Variants in ASIC2 observed in about 807,000 individuals in gnomAD.
ASIC2 encodes acid sensing ion channel subunit 2.
Under a neutral mutation model 57.3 loss-of-function variants are expected in ASIC2, and 25 were observed. The ratio of observed to expected loss-of-function variants is 0.44; its 90% CI spans 0.32 to 0.61. The LOEUF is 0.61. Among genes scored for constraint, ASIC2 ranks in the 20% least tolerant of loss-of-function variants. The pLI, the probability that ASIC2 is intolerant of heterozygous loss-of-function variation, is 0.06. For missense variants in ASIC2, 641 were observed against 738.1 expected (o/e 0.87, Z 1.52); for synonymous variants, 319 against 307.5 (o/e 1.04, Z -0.39).
chr17:33,323,788 TA>T (rs1199052678), intron 1 of ASIC2, among the ~76,000 whole-genome samples: 16 of 152,356 alleles, frequency 1.1e-4, no homozygotes, highest in Admixed American at 5.9e-4. Context: ...CATCTTTATA[TA>T]AGGTACAAAA....
chr17:34,133,566 T>C (rs1912053285), intron 1 of ASIC2, among the ~76,000 whole-genome samples: 1 of 152,228 alleles, frequency 6.6e-6, no homozygotes. Context: ...GTACCAGTGA[T>C]GCCAATGAGC....
intron 1 of ASIC2, among the ~76,000 whole-genome samples, chr17:33,222,012 A>G (rs535971346): frequency 6.6e-6 from 1 of 152,178 alleles, no homozygotes; most frequent in South Asian, 2.1e-4. Context: ...CTATCCTGGA[A>G]ACTTAACTAT....
intron 1 of ASIC2, among the ~76,000 whole-genome samples, chr17:33,121,026 G>A (rs2092300404): frequency 6.6e-6 from 1 of 152,228 alleles, no homozygotes; most frequent in Non-Finnish European, 1.5e-5. Flanking sequence ...ATACCTTCCA[G>A]TGGAGCTGTT....
At chr17:33,787,993 AG>A (rs1267861791) in intron 1 of ASIC2, among the ~76,000 whole-genome samples, 1 of 152,228 alleles carries the variant, frequency 6.6e-6, no homozygotes, top group Non-Finnish European at 1.5e-5. Context: ...TTCAGGACAT[AG>A]GCATGGGCAA....
chr17:33,695,616 T>C (rs1415646076), intron 1 of ASIC2, among the ~76,000 whole-genome samples: 1 of 152,238 alleles, frequency 6.6e-6, no homozygotes, highest in African/African-American at 2.4e-5. Flanking sequence ...AGAGTGCTGC[T>C]TTCACTGGAC....
At chr17:33,734,205 C>T (rs1189180754) in intron 1 of ASIC2, among the ~76,000 whole-genome samples, 3 of 151,874 alleles carry the variant, frequency 2.0e-5, no homozygotes, top group Non-Finnish European at 2.9e-5. Flanking sequence ...GTGAGGCCAG[C>T]CCTTCCTCCC....
chr17:33,927,208 C>A (rs184587330), intron 1 of ASIC2, among the ~76,000 whole-genome samples: 1 of 152,290 alleles, frequency 6.6e-6, no homozygotes, highest in Admixed American at 6.5e-5. Context: ...TGATTACAGG[C>A]ATGACCCACT....
At chr17:33,441,554 T>C (rs1299385802) in intron 1 of ASIC2, among the ~76,000 whole-genome samples, 1 of 152,164 alleles carries the variant, frequency 6.6e-6, no homozygotes, top group Admixed American at 6.5e-5. Context: ...CCCCAAAATA[T>C]GACACCATGA....
rs543269409 is a variant in ASIC2 at position 33,491,287 on chromosome 17, T to C, written c.556-379220A>G. ...GGGAAGGGAGGGATGCATCACAAGA[T>C]TCCTCCCCTCGGCTCTAACATGATG... On this transcript the variant is annotated intron_variant, in intron 1 of 9. Transcript: ENST00000359872. Among the ~76,000 whole-genome samples, 8 of 152,242 alleles carry C rather than the reference T, an allele frequency of 5.3e-5. No individual in the cohort carries two copies. The East Asian group carries it at 1.6e-3, about 30-fold the overall frequency.
intron 1 of ASIC2, among the ~76,000 whole-genome samples, chr17:33,456,483 A>G (rs1411896517): frequency 6.6e-6 from 1 of 152,212 alleles, no homozygotes; most frequent in African/African-American, 2.4e-5. Flanking sequence ...TCCTTCAGTG[A>G]TAATTCAAGG....
In ASIC2 at chr17:33,173,381, C is replaced by T. The variant is rs546946580; in HGVS notation, c.709-61314G>A. 7.9e-5 allele frequency among the ~76,000 whole-genome samples: 12 copies of T among 152,256 alleles called. 1 individual carries two copies. In the South Asian group the frequency reaches 8.3e-4, roughly 11 times the overall value. Reference sequence around the variant, plus strand: ...TGGCCACCACAGACCCCAGGTACCTCGGTACCAAGCTTGCGGGGCCTGATC... The same window carrying T: ...TGGCCACCACAGACCCCAGGTACCTTGGTACCAAGCTTGCGGGGCCTGATC... On this transcript the variant is annotated intron_variant, in intron 1 of 9. Coordinates refer to ENST00000225823, the MANE Select transcript of ASIC2 (RefSeq NM_183377.2).
At chr17:33,970,629 G>A (rs547735892) in intron 1 of ASIC2, among the ~76,000 whole-genome samples, 9 of 152,350 alleles carry the variant, frequency 5.9e-5, no homozygotes, top group African/African-American at 1.9e-4. Context: ...TATCAGACCA[G>A]CCCCTAACAC....
intron 1 of ASIC2, among the ~76,000 whole-genome samples, chr17:33,223,858 G>T (rs1597638344): frequency 1.3e-5 from 2 of 152,280 alleles, no homozygotes; most frequent in South Asian, 4.1e-4. Flanking sequence ...CATGGGGCCG[G>T]GATCACAGAG....
At chr17:33,480,673 G>A (rs1022809359) in intron 1 of ASIC2, among the ~76,000 whole-genome samples, 8 of 152,040 alleles carry the variant, frequency 5.3e-5, no homozygotes, top group Non-Finnish European at 7.4e-5. Context: ...AGACCTGCTC[G>A]CCAGGTGGTA....
intron 1 of ASIC2, among the ~76,000 whole-genome samples, chr17:33,341,361 C>A (rs1401681513): frequency 3.9e-5 from 6 of 152,154 alleles, no homozygotes; most frequent in Non-Finnish European, 8.8e-5. Context: ...ATTCATCATC[C>A]AATCCAAGCC....
intron 1 of ASIC2, among the ~76,000 whole-genome samples, chr17:33,814,012 C>A (rs540917117): frequency 1.4e-4 from 22 of 152,116 alleles, no homozygotes; most frequent in Middle Eastern, 3.4e-3. Flanking sequence ...ACCTATGATT[C>A]AGGTGGGTAG....
intron 3 of ASIC2, among the ~76,000 whole-genome samples, chr17:33,072,032 A>T (rs192728635): frequency 6.6e-6 from 1 of 152,018 alleles, no homozygotes; most frequent in Admixed American, 6.5e-5. Context: ...GATTTTTCAG[A>T]TCTCTGGAGT....
intron 1 of ASIC2, among the ~76,000 whole-genome samples, chr17:33,887,913 A>G (rs542865186): frequency 1.3e-5 from 2 of 152,278 alleles, no homozygotes; most frequent in African/African-American, 4.8e-5. Flanking sequence ...GTTTATATGG[A>G]CATAGCCTCA....
chr17:33,075,407 C>A lies in ASIC2; in HGVS notation c.987+13456G>T, dbSNP rs570785294. ...GAAATGGACTAATACAGGTGGGAAG[C>A]CCTGCTTGTCCTTCTCCTCACTGAG... is the stretch of plus-strand genomic sequence containing the variant. On this transcript the variant is annotated intron_variant, in intron 3 of 9. Transcript: ENST00000225823. Among the ~76,000 whole-genome samples, 4 of 152,248 alleles carry A rather than the reference C, an allele frequency of 2.6e-5. No individual in the cohort carries two copies. The East Asian group carries it at 5.8e-4, about 22-fold the overall frequency.
Sources: gnomAD v4.1 joint callset for allele counts (sites outside exome capture counted in the v4.1 genomes callset) on GRCh38, gnomAD v4.1.1 for gene constraint, MANE v1.5 for transcripts, NCBI Gene and HGNC (gene_info 2026-07-23, HGNC 2026-07-21) for gene names.